Variants in NEO1 observed in about 807,000 individuals in gnomAD.
NEO1 encodes neogenin.
In NEO1, 63 loss-of-function variants were observed where a neutral mutation model predicts 159.7. That is an observed-to-expected ratio of 0.39 (90% confidence interval 0.32 to 0.49). NEO1 has a LOEUF of 0.49. Ranked by LOEUF, NEO1 falls within the 20% of genes least tolerant of loss-of-function variation. NEO1 has a pLI of 0.85. For synonymous variants in NEO1, 633 were observed against 662.0 expected (o/e 0.96, Z 0.67); for missense variants, 1,615 against 1,831.0 (o/e 0.88, Z 2.15).
chr15:73,122,394 T>C (rs1245817460), intron 2 of NEO1, 131 bp from the exon 3 acceptor site: 1 of 779,060 alleles, frequency 1.3e-6, no homozygotes, highest in South Asian at 2.1e-5. Flanking sequence ...CTAATTTCCA[T>C]GGACTTTCTT....
chr15:73,301,273 A>G (rs371750226), intron 27 of NEO1, 48 bp from the exon 28 acceptor site: 150 of 1,612,276 alleles, frequency 9.3e-5, no homozygotes, highest in Middle Eastern at 5.0e-4. Context: ...CATGAGGTCT[A>G]GGGGAGGCAG....
intron 7 of NEO1, among the ~76,000 whole-genome samples, chr15:73,179,550 A>G (rs2035480116): frequency 6.6e-6 from 1 of 152,210 alleles, no homozygotes; most frequent in African/African-American, 2.4e-5. Context: ...GTAGTACACT[A>G]GAACCAGGAA....
chr15:73,238,964 T>G (rs566924901), intron 8 of NEO1, among the ~76,000 whole-genome samples: 48 of 152,244 alleles, frequency 3.2e-4, no homozygotes, highest in African/African-American at 1.2e-3. Flanking sequence ...TTCTCCTGCC[T>G]CAGCCTCCCA....
chr15:73,278,029 G>T, intron 21 of NEO1, 102 bp from the exon 22 acceptor site: 1 of 945,030 alleles, frequency 1.1e-6, no homozygotes, highest in Non-Finnish European at 1.6e-6. Flanking sequence ...GGACAGAATA[G>T]ACTAAAAATT....
chr15:73,088,499 C>G (rs1237206624), intron 1 of NEO1, among the ~76,000 whole-genome samples: 1 of 151,978 alleles, frequency 6.6e-6, no homozygotes, highest in Admixed American at 6.6e-5. Flanking sequence ...ACACTTTTAC[C>G]TGATACTTGT....
At chr15:73,204,312 A>G (rs141954157) in intron 7 of NEO1, among the ~76,000 whole-genome samples, 19 of 151,332 alleles carry the variant, frequency 1.3e-4, no homozygotes, top group Non-Finnish European at 2.7e-4. Flanking sequence ...TTTTTAAAAT[A>G]TTTATTGTGC....
intron 8 of NEO1, among the ~76,000 whole-genome samples, chr15:73,236,971 C>G (rs559832519): frequency 1.3e-5 from 2 of 152,208 alleles, no homozygotes; most frequent in Non-Finnish European, 2.9e-5. Context: ...TTTCCACCCC[C>G]TCAGGAGCTC....
intron 5 of NEO1, among the ~76,000 whole-genome samples, chr15:73,174,556 GC>G (rs1455013997): frequency 6.6e-6 from 1 of 152,136 alleles, no homozygotes; most frequent in African/African-American, 2.4e-5. Context: ...TTCACAATCA[GC>G]CTCACCATAG....
At position 73,289,237 on chromosome 15, in the gene NEO1, G is replaced by A; in HGVS notation, c.3741G>A (p.Gln1247=). 1.2e-6 allele frequency: 2 copies of A among 1,613,840 alleles called. No individual in the cohort carries two copies. The highest frequency in any genetic ancestry group is 1.7e-6 in the Non-Finnish European group (2 of 1,179,798). ...TGCCCTTTGACTCCCAGCCACCCCA[G>A]CGTAAGTAGAAGCATCTCTTTTCCT... ...MMMPFDSQPP[Q]PVISAHPIHS... is the part of the protein sequence containing the mutation. The change falls in exon 25 of 29, where the codon CAG becomes CAA. Residue 1247 remains glutamine, a splice_region_variant and synonymous_variant. Coordinates refer to ENST00000261908, the MANE Select transcript of NEO1 (RefSeq NM_002499.4).
intron 1 of NEO1, among the ~76,000 whole-genome samples, chr15:73,090,607 T>A (rs1211947686): frequency 6.6e-6 from 1 of 152,204 alleles, no homozygotes; most frequent in African/African-American, 2.4e-5. Flanking sequence ...AGAGCATTAA[T>A]AAACAACTAT....
rs1466249521 is a variant in NEO1 at position 73,142,096 on chromosome 15, T to G, written c.1015+6069T>G. Among the ~76,000 whole-genome samples the G allele has an allele frequency of 2.0e-5, 3 of 152,194 alleles. No individual in the cohort carries two copies. In the East Asian group the frequency reaches 5.8e-4, roughly 29 times the overall value. On this transcript the variant is annotated intron_variant, in intron 5 of 28. Transcript: ENST00000261908. The stretch of plus-strand genomic sequence containing the variant: ...GTTGTTTTAAGGATTAAACTCTTTT[T>G]TTTTTAGAAGAGCCAGCATAAAGCA...
chr15:73,132,473 G>C (rs1269354103), intron 4 of NEO1, among the ~76,000 whole-genome samples: 1 of 152,064 alleles, frequency 6.6e-6, no homozygotes, highest in Non-Finnish European at 1.5e-5. Context: ...CTAGACATTG[G>C]CTTAGGCAAA....
At chr15:73,116,904 C>T in intron 2 of NEO1, 47 bp downstream of exon 2, 7 of 1,397,358 alleles carry the variant, frequency 5.0e-6, no homozygotes, top group Middle Eastern at 1.9e-4. Flanking sequence ...ATATTTATAA[C>T]ATACATCTTG....
chr15:73,139,272 G>A (rs1181147787), intron 5 of NEO1, among the ~76,000 whole-genome samples: 2 of 151,942 alleles, frequency 1.3e-5, no homozygotes, highest in African/African-American at 2.4e-5. Flanking sequence ...AAAGACCAAC[G>A]TTTTTTTGGA....
chr15:73,296,917 T>C (rs1189951785), intron 26 of NEO1, among the ~76,000 whole-genome samples: 1 of 152,208 alleles, frequency 6.6e-6, no homozygotes, highest in Non-Finnish European at 1.5e-5. Context: ...CATTTAAATT[T>C]TTGGACAGCA....
chr15:73,112,695 T>C (rs979796985), intron 1 of NEO1, among the ~76,000 whole-genome samples: 1 of 152,116 alleles, frequency 6.6e-6, no homozygotes, highest in Non-Finnish European at 1.5e-5. Context: ...CAGACCCTGG[T>C]TCTGTGATTT....
chr15:73,285,492 A>G (rs775204573), intron 23 of NEO1, among the ~76,000 whole-genome samples: 3 of 152,196 alleles, frequency 2.0e-5, no homozygotes, highest in Admixed American at 6.5e-5. Context: ...AAATCATCAT[A>G]TCAGATCTTC....
rs533465784 is a variant in NEO1, at chr15:73,122,675, A to C, written c.599A>C (p.Lys200Thr). The C allele has an allele frequency of 6.2e-7, 1 of 1,614,196 alleles. No individual in the cohort carries two copies. Among genetic ancestry groups the C allele is most frequent in the African/African-American group, 1.3e-5 (1 of 75,052 alleles). Residue 200 changes from lysine to threonine, a missense_variant, in exon 3 of 29, where the codon AAA (lysine) becomes ACA (threonine). Lys to Thr is a moderately conservative substitution (Grantham distance 78). Transcript: ENST00000261908. Reference protein sequence around the residue: ...QPLLLDDRVIKLPSGMLVISN... With the variant: ...QPLLLDDRVITLPSGMLVISN... The stretch of plus-strand genomic sequence containing the variant: ...CTTCTTCTGGATGATAGAGTTATCA[A>C]ACTTCCAAGTGGAATGCTGGTTATC...
chr15:73,295,665 A>G (rs769707035), intron 26 of NEO1, among the ~76,000 whole-genome samples: 8 of 152,162 alleles, frequency 5.3e-5, no homozygotes, highest in Non-Finnish European at 1.2e-4. Context: ...CTGAAGACTG[A>G]TTTGAAATAT....
Sources: gnomAD v4.1 joint callset for allele counts (sites outside exome capture counted in the v4.1 genomes callset) on GRCh38, gnomAD v4.1.1 for gene constraint, MANE v1.5 for transcripts, NCBI Gene and HGNC (gene_info 2026-07-23, HGNC 2026-07-21) for gene names.